The following CACUL1 variants were observed in gnomAD, a reference collection of about 807,000 sequenced individuals.
The protein encoded by CACUL1 is CDK2-associated and cullin domain-containing protein 1.
Under a neutral mutation model 45.2 loss-of-function variants are expected in CACUL1, and 13 were observed. The observed-to-expected ratio is 0.29, with a 90% CI of 0.19 to 0.46. The LOEUF (loss-of-function observed/expected upper bound fraction) is 0.46, where lower values mean the gene tolerates loss of function less well. Among genes scored for constraint, CACUL1 ranks in the 20% least tolerant of loss-of-function variants. The pLI, the probability that CACUL1 is intolerant of heterozygous loss-of-function variation, is 1.00. For missense variants in CACUL1, 421 were observed against 471.4 expected (o/e 0.89, Z 0.99); for synonymous variants, 197 against 174.2 (o/e 1.13, Z -1.03).
chr10:118,701,360 G>T lies in CACUL1; in HGVS notation c.742C>A (p.Leu248Ile). ...ACATGTTCCGTAAACAGCTTTATAA[G>T]GTCATCTTTTAAGTCTCTGTTAAGC... ...TKLNRDLKDD[L>I]IKLFTEHVAE... Residue 248 changes from leucine (L) to isoleucine (I), a missense_variant, in exon 5 of 9, where the codon CTT (leucine) becomes ATT (isoleucine). Physicochemically the swap from Leu to Ile is conservative, Grantham distance 5 (BLOSUM62 2). Around this residue, in one of 2 missense-constraint regions of CACUL1, gnomAD observed 208 missense variants for 298.4 expected, o/e 0.70. Transcript: ENST00000369151. The T allele has an allele frequency of 6.3e-7, 1 of 1,579,694 alleles. No individual in the cohort carries two copies. The highest frequency in any genetic ancestry group is 8.7e-7 in the Non-Finnish European group (1 of 1,155,100).
At chr10:118,742,635 G>A (rs1366811121) in intron 1 of CACUL1, among the ~76,000 whole-genome samples, 2 of 151,978 alleles carry the variant, frequency 1.3e-5, no homozygotes, top group Non-Finnish European at 2.9e-5. Context: ...CTGACCTCAC[G>A]AAACCCTGCT....
At position 118,685,352 on chromosome 10, in the gene CACUL1, C is replaced by T. The variant is rs1483705144; in HGVS notation, c.*776G>A. 2 of 125,382 alleles carry T rather than the reference C, an allele frequency of 1.6e-5. No homozygotes were observed. Among genetic ancestry groups the T allele is most frequent in the East Asian group, 4.0e-4 (2 of 4,970 alleles). 7.8% of individuals were successfully genotyped at this position (125,382 alleles called of 1,614,324 possible). A position where few individuals can be genotyped will look rare whatever the true frequency, so the allele number is the denominator to read the frequency against. ...TCCCCAACATTAATATGAATATGCT[C>T]TGGTGAACCAGGGGAAAATCCGACC... On this transcript the variant is annotated 3_prime_UTR_variant, in exon 9 of 9. Transcript: ENST00000369151.
chr10:118,702,011 C>T (rs1336077133), intron 4 of CACUL1, among the ~76,000 whole-genome samples: 1 of 152,196 alleles, frequency 6.6e-6, no homozygotes, highest in Non-Finnish European at 1.5e-5. Flanking sequence ...TGTATACATC[C>T]AGATGGCCTA....
chr10:118,693,971 G>A (rs1845296424), intron 6 of CACUL1, among the ~76,000 whole-genome samples: 1 of 152,160 alleles, frequency 6.6e-6, no homozygotes, highest in South Asian at 2.1e-4. Flanking sequence ...CTGGAGTGCA[G>A]TGGTACAATC....
chr10:118,708,523 G>A (rs917925327), intron 3 of CACUL1, among the ~76,000 whole-genome samples: 3 of 152,062 alleles, frequency 2.0e-5, no homozygotes, highest in Non-Finnish European at 4.4e-5. Flanking sequence ...ACCATCAAGA[G>A]AGAACACTAC....
intron 1 of CACUL1, among the ~76,000 whole-genome samples, chr10:118,735,385 A>G (rs1393884923): frequency 6.6e-6 from 1 of 152,204 alleles, no homozygotes; most frequent in Non-Finnish European, 1.5e-5. Flanking sequence ...CAGTGCCTCA[A>G]AAGTGTGAGA....
At chr10:118,720,651 T>C (rs17586536) in intron 3 of CACUL1, among the ~76,000 whole-genome samples, 39,549 of 152,184 alleles carry the variant, frequency 0.26, 6,532 homozygotes, top group South Asian at 0.37. Context: ...CCTCTGGTAA[T>C]GTCAGTGGTA....
chr10:118,697,523 T>G (rs1312299309), intron 5 of CACUL1, among the ~76,000 whole-genome samples: 1 of 152,246 alleles, frequency 6.6e-6, no homozygotes, highest in East Asian at 1.9e-4. Context: ...CACCTTTTGA[T>G]ACCTGAATTG....
intron 3 of CACUL1, among the ~76,000 whole-genome samples, chr10:118,727,662 G>GT (rs1483311768): frequency 1.3e-5 from 2 of 152,146 alleles, no homozygotes; most frequent in Admixed American, 1.3e-4. Context: ...CTTCAGCACT[G>GT]TTAGTAATGG....
chr10:118,730,223 T>C, intron 2 of CACUL1, 61 bp downstream of exon 2: 6 of 1,558,390 alleles, frequency 3.9e-6, no homozygotes, highest in Non-Finnish European at 2.6e-6. Flanking sequence ...TGAGGCATAA[T>C]TCAAGTGCCT....
At chr10:118,716,967 C>A (rs1845552970) in intron 3 of CACUL1, among the ~76,000 whole-genome samples, 1 of 152,186 alleles carries the variant, frequency 6.6e-6, no homozygotes, top group Non-Finnish European at 1.5e-5. Flanking sequence ...GGTTCAGGAA[C>A]AATGGTACAT....
chr10:118,744,253 G>A (rs766306001), intron 1 of CACUL1, among the ~76,000 whole-genome samples: 1 of 152,148 alleles, frequency 6.6e-6, no homozygotes, highest in Non-Finnish European at 1.5e-5. Context: ...GGGCATGGTG[G>A]CGCATGCTTG....
At chr10:118,742,459 C>T (rs1009294198) in intron 1 of CACUL1, among the ~76,000 whole-genome samples, 4 of 152,236 alleles carry the variant, frequency 2.6e-5, no homozygotes, top group Admixed American at 2.6e-4. Flanking sequence ...CATTAAAATG[C>T]CTTTCTCTTA....
intron 4 of CACUL1, among the ~76,000 whole-genome samples, chr10:118,703,494 G>A (rs940390575): frequency 3.9e-5 from 6 of 152,044 alleles, no homozygotes; most frequent in African/African-American, 1.4e-4. Context: ...TAATACAAAT[G>A]TTCCTCAATG....
rs1452879591 is a variant in CACUL1 at position 118,678,932 on chromosome 10, T to A, written c.*7196A>T. The A allele has an allele frequency of 6.6e-6, 1 of 152,246 alleles. No individual in the cohort carries two copies. The highest frequency in any genetic ancestry group is 6.5e-5 in the Admixed American group (1 of 15,284). The allele number at this position is 152,246 out of a possible 1,614,324, so 9.4% of individuals were successfully genotyped here. ...CATAATTTAGTCTCTGCAAGATCTA[T>A]TAATTACTGAGAGGGGTATGTTGAA... On this transcript the variant is annotated 3_prime_UTR_variant, in exon 9 of 9. Coordinates refer to ENST00000369151, the MANE Select transcript of CACUL1 (RefSeq NM_153810.5).
chr10:118,748,145 T>C (rs1250420431), intron 1 of CACUL1, among the ~76,000 whole-genome samples: 2 of 152,150 alleles, frequency 1.3e-5, no homozygotes, highest in Non-Finnish European at 2.9e-5. Context: ...AGAAATGTTC[T>C]CTTGGTTGTT....
chr10:118,733,163 G>A (rs1010276210), intron 1 of CACUL1, among the ~76,000 whole-genome samples: 6 of 152,158 alleles, frequency 3.9e-5, no homozygotes, highest in Admixed American at 1.3e-4. Context: ...TGAAGAAGAG[G>A]AAAAAGAAAC....
At chr10:118,710,548 CT>C (rs1371602610) in intron 3 of CACUL1, among the ~76,000 whole-genome samples, 1 of 152,184 alleles carries the variant, frequency 6.6e-6, no homozygotes, top group Non-Finnish European at 1.5e-5. Flanking sequence ...TTCTTTCTAC[CT>C]AACCATCTCT....
intron 3 of CACUL1, among the ~76,000 whole-genome samples, chr10:118,707,867 G>C (rs1042625463): frequency 6.6e-6 from 1 of 152,124 alleles, no homozygotes; most frequent in Admixed American, 6.5e-5. Flanking sequence ...GTGCACTAAG[G>C]CTGGGCGTGG....
Sources: allele counts gnomAD v4.1 joint callset (sites outside exome capture counted in the v4.1 genomes callset), GRCh38; gene constraint gnomAD v4.1.1; regional missense constraint gnomAD v4.1.1; transcripts MANE v1.5; gene names NCBI Gene and HGNC (gene_info 2026-07-23, HGNC 2026-07-21).